TMEM132D: variants seen among roughly 807,000 people sequenced by gnomAD.
TMEM132D encodes transmembrane protein 132D.
TMEM132D carries 21 observed loss-of-function variants against 62.3 expected under a neutral mutation model. The observed-to-expected ratio is 0.34, with a 90% CI of 0.24 to 0.49. The LOEUF is 0.49. TMEM132D is among the 20% of genes least tolerant of loss of function. TMEM132D has a pLI of 0.99. For synonymous variants in TMEM132D, 621 were observed against 575.6 expected (o/e 1.08, Z -1.13); for missense variants, 1,346 against 1,402.8 (o/e 0.96, Z 0.65).
intron 3 of TMEM132D, among the ~76,000 whole-genome samples, chr12:129,511,553 G>A (rs1271490710): frequency 2.0e-5 from 3 of 152,206 alleles, no homozygotes; most frequent in African/African-American, 7.2e-5. Flanking sequence ...TGTAGTGGAC[G>A]TGATAGTTTA....
chr12:129,743,794 G>T (rs1182325687), intron 1 of TMEM132D, among the ~76,000 whole-genome samples: 3 of 152,186 alleles, frequency 2.0e-5, no homozygotes, highest in Non-Finnish European at 4.4e-5. Flanking sequence ...ACAACATGAT[G>T]AAAGAGGGGA....
At chr12:129,161,816 G>A (rs776193270) in intron 5 of TMEM132D, among the ~76,000 whole-genome samples, 5 of 152,150 alleles carry the variant, frequency 3.3e-5, no homozygotes, top group Non-Finnish European at 7.4e-5. Context: ...CATTGAAAAC[G>A]CTGTAGTCTT....
intron 4 of TMEM132D, among the ~76,000 whole-genome samples, chr12:129,259,573 G>A (rs1437244649): frequency 6.6e-6 from 1 of 152,158 alleles, no homozygotes; most frequent in African/African-American, 2.4e-5. Context: ...AGGCATGAAA[G>A]TTCATAACCT....
chr12:129,362,116 T>C (rs1470615995), intron 3 of TMEM132D, among the ~76,000 whole-genome samples: 1 of 152,238 alleles, frequency 6.6e-6, no homozygotes, highest in Non-Finnish European at 1.5e-5. Flanking sequence ...TACGATAAAA[T>C]ACCTTATCTT....
At chr12:129,417,163 G>A (rs1272915620) in intron 3 of TMEM132D, among the ~76,000 whole-genome samples, 1 of 152,144 alleles carries the variant, frequency 6.6e-6, no homozygotes, top group Non-Finnish European at 1.5e-5. Context: ...ATTCGGCTGT[G>A]AATCCATCTG....
intron 3 of TMEM132D, among the ~76,000 whole-genome samples, chr12:129,354,177 T>A (rs1159335036): frequency 1.3e-5 from 2 of 152,024 alleles, no homozygotes; most frequent in Non-Finnish European, 2.9e-5. Flanking sequence ...AAACAAAAGC[T>A]AAAGTGAACC....
intron 4 of TMEM132D, among the ~76,000 whole-genome samples, chr12:129,317,981 T>C (rs1421349271): frequency 6.6e-6 from 1 of 152,200 alleles, no homozygotes; most frequent in Non-Finnish European, 1.5e-5. Flanking sequence ...TATGTCCAAA[T>C]TTCCTGAATT....
chr12:129,471,581 A>C (rs1874094160), intron 3 of TMEM132D, among the ~76,000 whole-genome samples: 1 of 152,150 alleles, frequency 6.6e-6, no homozygotes, highest in South Asian at 2.1e-4. Flanking sequence ...AATGGCCTCT[A>C]AGTGTTCCAG....
chr12:129,902,154 T>C (rs1566024720), intron 1 of TMEM132D, among the ~76,000 whole-genome samples: 1 of 152,200 alleles, frequency 6.6e-6, no homozygotes, highest in Non-Finnish European at 1.5e-5. Flanking sequence ...TCATCTATTA[T>C]CAGATCCAAA....
chr12:129,879,448 C>T (rs1874526777), intron 1 of TMEM132D, among the ~76,000 whole-genome samples: 2 of 152,138 alleles, frequency 1.3e-5, no homozygotes, highest in African/African-American at 4.8e-5. Context: ...TTCTTGAACA[C>T]ATCAAAGAGC....
chr12:129,874,219 C>T (rs112715490), intron 1 of TMEM132D, among the ~76,000 whole-genome samples: 4 of 152,204 alleles, frequency 2.6e-5, no homozygotes, highest in African/African-American at 9.6e-5. Context: ...CTTGACTTAT[C>T]CACTCCACAA....
At chr12:129,755,079 G>C (rs1350014577) in intron 1 of TMEM132D, among the ~76,000 whole-genome samples, 1 of 152,132 alleles carries the variant, frequency 6.6e-6, no homozygotes, top group Non-Finnish European at 1.5e-5. Context: ...TCATTATCTA[G>C]GAGAAAGGCA....
At chr12:129,153,651 T>C (rs1877144799) in intron 5 of TMEM132D, among the ~76,000 whole-genome samples, 1 of 152,162 alleles carries the variant, frequency 6.6e-6, no homozygotes, top group South Asian at 2.1e-4. Flanking sequence ...AAGTGACTTT[T>C]GAGAACTCCA....
chr12:129,864,173 T>C (rs1383849747), intron 1 of TMEM132D, among the ~76,000 whole-genome samples: 1 of 152,144 alleles, frequency 6.6e-6, no homozygotes, highest in Non-Finnish European at 1.5e-5. Context: ...CGCAGAGTGG[T>C]CCAGGTGGAG....
intron 5 of TMEM132D, among the ~76,000 whole-genome samples, chr12:129,161,423 C>T (rs1020710789): frequency 3.9e-5 from 6 of 152,160 alleles, no homozygotes; most frequent in Non-Finnish European, 5.9e-5. Context: ...CATTTAGTAT[C>T]GTAACCGACT....
intron 1 of TMEM132D, among the ~76,000 whole-genome samples, chr12:129,754,748 G>A (rs1870110159): frequency 4.6e-5 from 7 of 152,140 alleles, no homozygotes. Context: ...ATTACATTAA[G>A]GCAGTTAAAA....
chr12:129,747,857 C>T (rs1869864132), intron 1 of TMEM132D, among the ~76,000 whole-genome samples: 1 of 24,302 alleles, frequency 4.1e-5, no homozygotes, highest in Non-Finnish European at 1.2e-4. Flanking sequence ...CACAGACACA[C>T]ACACACACGA....
chr12:129,480,803 T>A lies in TMEM132D; in HGVS notation c.1115+50256A>T, dbSNP rs73429756. ...ACTGGAAAAACTTGCTCGAATGAAG[T>A]GCATGTGTCCCCTATGGCCCCGCAA... is the stretch of plus-strand genomic sequence containing the variant. On this transcript the variant is annotated intron_variant, in intron 3 of 8. Transcript: ENST00000422113. 4.7e-4 allele frequency among the ~76,000 whole-genome samples: 71 copies of A among 152,254 alleles called. 2 individuals are homozygous for A. Among genetic ancestry groups the A allele is most frequent in the Non-Finnish European group, 8.8e-4 (60 of 68,026 alleles).
intron 3 of TMEM132D, among the ~76,000 whole-genome samples, chr12:129,432,163 A>ATGGATGCT (rs1555255426): frequency 1.0e-4 from 13 of 130,026 alleles, no homozygotes; most frequent in African/African-American, 3.6e-4. Flanking sequence ...GGATGCTTGG[A>ATGGATGCT]TGGATGGATG....
Sources: allele counts gnomAD v4.1 joint callset (sites outside exome capture counted in the v4.1 genomes callset), GRCh38; gene constraint gnomAD v4.1.1; transcripts MANE v1.5; gene names NCBI Gene and HGNC (gene_info 2026-07-23, HGNC 2026-07-21).